NCEH1: variants seen among roughly 807,000 people sequenced by gnomAD.
NCEH1 encodes the protein neutral cholesterol ester hydrolase 1, also known as 2-acetyl MAGE hydrolase.
In NCEH1, 9 loss-of-function variants were observed where a neutral mutation model predicts 25.4. That is an observed-to-expected ratio of 0.35 (90% CI 0.21 to 0.62). The LOEUF is 0.62. Ranked by LOEUF, NCEH1 falls within the 20% of genes least tolerant of loss-of-function variation. NCEH1 has a pLI of 0.72. For synonymous variants in NCEH1, 200 were observed against 199.8 expected, an observed-to-expected ratio of 1.00 and a Z score of -0.01; for missense variants, 412 against 501.1, an observed-to-expected ratio of 0.82 and a Z score of 1.70.
chr3:172,643,487 G>T (rs1245650541), intron 3 of NCEH1, among the ~76,000 whole-genome samples: 1 of 152,158 alleles, frequency 6.6e-6, no homozygotes. Flanking sequence ...ATATGCTCAT[G>T]CCTCCCATCT....
chr3:172,706,130 CA>C (rs1181076557), intron 1 of NCEH1, among the ~76,000 whole-genome samples: 2 of 151,798 alleles, frequency 1.3e-5, no homozygotes, highest in Non-Finnish European at 2.9e-5. Context: ...AACAGTCTCC[CA>C]AAGTGCTGGG....
intron 1 of NCEH1, among the ~76,000 whole-genome samples, chr3:172,659,986 T>A (rs1302269991): frequency 1.5e-5 from 2 of 135,318 alleles, no homozygotes; most frequent in Non-Finnish European, 3.1e-5. Flanking sequence ...GAAGCATTTC[T>A]TTTTTTTTTT....
intron 1 of NCEH1, among the ~76,000 whole-genome samples, chr3:172,653,752 G>GTTTGTTT (rs1553830343): frequency 1.8e-4 from 15 of 83,840 alleles, no homozygotes; most frequent in African/African-American, 4.6e-4. Flanking sequence ...TTGTTTTTTT[G>GTTTGTTT]TTTTTTTGTT....
intron 1 of NCEH1, among the ~76,000 whole-genome samples, chr3:172,684,845 G>A (rs921430032): frequency 1.3e-5 from 2 of 152,066 alleles, no homozygotes; most frequent in African/African-American, 4.8e-5. Flanking sequence ...GCCAGGCATG[G>A]TGGTGTGTGC....
intron 1 of NCEH1, among the ~76,000 whole-genome samples, chr3:172,684,853 T>C (rs1712610226): frequency 6.6e-6 from 1 of 152,002 alleles, no homozygotes; most frequent in Admixed American, 6.6e-5. Context: ...TGGTGGTGTG[T>C]GCCTGTAATC....
rs1200625132 is a variant in NCEH1, at chr3:172,668,348, ATTTTTTTTTT to A, written c.139-20244_139-20235del. 6.2e-3 allele frequency among the ~76,000 whole-genome samples: 486 copies of A among 78,984 alleles called. 5 individuals are homozygous for A. Among genetic ancestry groups the A allele is most frequent in the African/African-American group, 0.023 (454 of 19,382 alleles). 51.8% of individuals were successfully genotyped at this position (78,984 alleles called of 152,430 possible). On this transcript the variant is annotated intron_variant, in intron 1 of 4. Transcript: ENST00000475381. ...TCAGGAAACAAATGGAAAAGGAAGC[ATTTTTTTTTT>A]TTTTTTTTTTTTTTTTGAGAGAGTC...
At chr3:172,692,504 C>A (rs1202730455) in intron 1 of NCEH1, among the ~76,000 whole-genome samples, 1 of 149,588 alleles carries the variant, frequency 6.7e-6, no homozygotes, top group East Asian at 1.9e-4. Flanking sequence ...ACCACAGGTG[C>A]ATGTCACCAC....
At chr3:172,676,427 C>T (rs959312501) in intron 1 of NCEH1, among the ~76,000 whole-genome samples, 2 of 152,032 alleles carry the variant, frequency 1.3e-5, no homozygotes, top group South Asian at 4.1e-4. Context: ...CATGGCGATC[C>T]GTATTTGCAT....
intron 1 of NCEH1, among the ~76,000 whole-genome samples, chr3:172,670,958 A>G (rs1711578822): frequency 6.6e-6 from 1 of 152,218 alleles, no homozygotes; most frequent in Non-Finnish European, 1.5e-5. Flanking sequence ...ATAGTCATAT[A>G]AGATAAAACG....
chr3:172,684,575 T>G (rs2108523538), intron 1 of NCEH1, among the ~76,000 whole-genome samples: 1 of 152,288 alleles, frequency 6.6e-6, no homozygotes, highest in South Asian at 2.1e-4. Context: ...GTTGTGAAAT[T>G]AAGCCACACT....
At chr3:172,678,792 CCA>C (rs1297340817) in intron 1 of NCEH1, among the ~76,000 whole-genome samples, 1 of 152,230 alleles carries the variant, frequency 6.6e-6, no homozygotes. Flanking sequence ...CACCCATCAT[CCA>C]CATAGTGAAC....
rs10701435 is a variant in NCEH1, at chr3:172,701,449, C to CTTTTTTTTTTTTTT, written c.138+9384_138+9397dup. ...TAGTGCTTCCTAGATGGTCTTTTGC[C>CTTTTTTTTTTTTTT]TTTTTTTTTTTTTTTTTAAAGACGG... On this transcript the variant is annotated intron_variant, in intron 1 of 4. Coordinates refer to ENST00000475381, the MANE Select transcript of NCEH1 (RefSeq NM_020792.6). Among the ~76,000 whole-genome samples the CTTTTTTTTTTTTTT allele has an allele frequency of 2.2e-4, 24 of 110,934 alleles. 4 individuals are homozygous for CTTTTTTTTTTTTTT. Among genetic ancestry groups the CTTTTTTTTTTTTTT allele is most frequent in the African/African-American group, 8.3e-4 (20 of 24,210 alleles). 72.8% of individuals were successfully genotyped at this position (110,934 alleles called of 152,430 possible). A position where few individuals can be genotyped will look rare whatever the true frequency, so the allele number is the denominator to read the frequency against.
intron 3 of NCEH1, among the ~76,000 whole-genome samples, chr3:172,638,522 T>C (rs978786768): frequency 7.9e-6 from 1 of 125,798 alleles, no homozygotes; most frequent in African/African-American, 3.0e-5. Context: ...TTCATATGAG[T>C]CTATTTACCC....
intron 1 of NCEH1, among the ~76,000 whole-genome samples, chr3:172,697,912 T>C (rs978446745): frequency 2.6e-5 from 4 of 152,208 alleles, no homozygotes; most frequent in African/African-American, 9.6e-5. Flanking sequence ...CATCTATTAT[T>C]ATGCAGATAT....
chr3:172,652,021 A>G (rs547762453), intron 1 of NCEH1, among the ~76,000 whole-genome samples: 1 of 152,304 alleles, frequency 6.6e-6, no homozygotes, highest in East Asian at 1.9e-4. Flanking sequence ...GAGCCAATGA[A>G]AAAAGAACCC....
chr3:172,634,066 A>AT lies in NCEH1; in HGVS notation c.635dup (p.Asn212LysfsTer2). On this transcript the variant is annotated frameshift_variant, in exon 5 of 5. Transcript: ENST00000475381. LOFTEE classifies it low-confidence loss of function (END_TRUNC). Reference sequence around the variant, plus strand: ...AAATTAAAGCTTGTAGTTTGAGCTTATTTTTTAGGCTGGCATCTTGAGTAA... The same window carrying AT: ...AAATTAAAGCTTGTAGTTTGAGCTTATTTTTTTAGGCTGGCATCTTGAGTAA... The AT allele has an allele frequency of 1.2e-6, 2 of 1,613,538 alleles. No homozygotes were observed. The highest frequency in any genetic ancestry group is 1.7e-6 in the Non-Finnish European group (2 of 1,179,788).
At chr3:172,675,443 C>CAA (rs200662590) in intron 1 of NCEH1, among the ~76,000 whole-genome samples, 91 of 133,120 alleles carry the variant, frequency 6.8e-4, no homozygotes, top group South Asian at 1.1e-3. Flanking sequence ...AAAAATTTTA[C>CAA]AAAAAAAAAA....
chr3:172,642,603 CAAAAAAAAAAA>C (rs66551744), intron 3 of NCEH1, among the ~76,000 whole-genome samples: 1 of 83,912 alleles, frequency 1.2e-5, no homozygotes, highest in Non-Finnish European at 2.3e-5. Flanking sequence ...GCTATTTCTA[CAAAAAAAAAAA>C]AAAAAAAAAA....
intron 1 of NCEH1, among the ~76,000 whole-genome samples, chr3:172,672,095 T>C (rs547150320): frequency 6.6e-6 from 1 of 152,350 alleles, no homozygotes; most frequent in Admixed American, 6.5e-5. Context: ...GGTAGCATTT[T>C]TTAATCTTTT....
Sources: allele counts gnomAD v4.1 joint callset (sites outside exome capture counted in the v4.1 genomes callset), GRCh38; gene constraint gnomAD v4.1.1; transcripts MANE v1.5; gene names NCBI Gene and HGNC (gene_info 2026-07-23, HGNC 2026-07-21).